CTPS1: variants seen among roughly 807,000 people sequenced by gnomAD.
The protein encoded by CTPS1 is CTP synthase 1.
Under a neutral mutation model 80.5 loss-of-function variants are expected in CTPS1, and 25 were observed. The observed-to-expected ratio is 0.31, with a 90% CI of 0.23 to 0.43. The LOEUF (loss-of-function observed/expected upper bound fraction) is 0.43, where lower values mean the gene tolerates loss of function less well. Among genes scored for constraint, CTPS1 ranks in the 20% least tolerant of loss-of-function variants. CTPS1 has a pLI of 1.00. For synonymous variants in CTPS1, 267 were observed against 252.5 expected (o/e 1.06, Z -0.54); for missense variants, 442 against 725.7 (o/e 0.61, Z 4.49).
chr1:40,997,336 T>C, intron 8 of CTPS1, 58 bp from the exon 9 acceptor site: 1 of 1,555,828 alleles, frequency 6.4e-7, no homozygotes, highest in East Asian at 2.3e-5. Context: ...GCTATTTTGG[T>C]CTCATGATAG....
intron 1 of CTPS1, chr1:40,982,127 TCTC>T (rs1642325611): frequency 8.1e-6 from 4 of 493,966 alleles, no homozygotes; most frequent in Non-Finnish European, 1.3e-5. Context: ...CCTGTCACGG[TCTC>T]CTCACCTCTT....
chr1:41,001,494 A>G (rs1426803993), intron 10 of CTPS1: 1 of 243,110 alleles, frequency 4.1e-6, no homozygotes, highest in Non-Finnish European at 8.0e-6. Context: ...AATATTACGG[A>G]GGTGTACACC....
chr1:41,002,057 T>A, intron 10 of CTPS1, 103 bp from the exon 11 acceptor site: 1 of 956,868 alleles, frequency 1.0e-6, no homozygotes, highest in Non-Finnish European at 1.7e-6. Context: ...TGTATGGGGT[T>A]AATTCATGGC....
At chr1:40,991,723 AT>A in intron 6 of CTPS1, 41 bp from the exon 7 acceptor site, 2 of 1,434,420 alleles carry the variant, frequency 1.4e-6, no homozygotes, top group Non-Finnish European at 2.0e-6. Context: ...TACTTCTGTC[AT>A]TTTTTCCTTC....
chr1:41,006,206 G>A, intron 13 of CTPS1, 112 bp downstream of exon 13: 1 of 897,512 alleles, frequency 1.1e-6, no homozygotes, highest in Non-Finnish European at 1.8e-6. Flanking sequence ...CCATCCCAAA[G>A]AACCCTGAGG....
At chr1:41,010,474 A>C (rs1558174892) in intron 18 of CTPS1, among the ~76,000 whole-genome samples, 1 of 152,208 alleles carries the variant, frequency 6.6e-6, no homozygotes, top group Non-Finnish European at 1.5e-5. Flanking sequence ...TGCACCTCCC[A>C]GTCCTGCCCT....
intron 7 of CTPS1, among the ~76,000 whole-genome samples, chr1:40,994,444 A>G (rs1253203343): frequency 6.6e-6 from 1 of 152,200 alleles, no homozygotes; most frequent in Non-Finnish European, 1.5e-5. Flanking sequence ...AGCTATTCAT[A>G]ATTTTTATTA....
chr1:41,003,338 C>G (rs1642955258), intron 12 of CTPS1, among the ~76,000 whole-genome samples, 162 bp downstream of exon 12: 1 of 152,188 alleles, frequency 6.6e-6, no homozygotes, highest in African/African-American at 2.4e-5. Context: ...TCTTGAGGAA[C>G]AGCACGGCTC....
In CTPS1 at chr1:40,991,770, A is replaced by G; in HGVS notation, c.645A>G (p.Val215=). The G allele has an allele frequency of 6.2e-7, 1 of 1,612,746 alleles. No individual in the cohort carries two copies. Among genetic ancestry groups the G allele is most frequent in the Non-Finnish European group, 8.5e-7 (1 of 1,178,754 alleles). ...RGLGLSPDLV[V]CRCSNPLDTS... is the part of the protein sequence containing the mutation. ...ATCTTGTTCTCTACTGCTAGGTTGT[A>G]TGCAGGTGCTCAAATCCACTTGACA... Residue 215 remains valine, a synonymous_variant, in exon 7 of 19, where the codon GTA becomes GTG. Coordinates refer to ENST00000650070, the MANE Select transcript of CTPS1 (RefSeq NM_001905.4).
At chr1:40,990,549 CAG>C (rs1344228884) in intron 5 of CTPS1, among the ~76,000 whole-genome samples, 5 of 151,744 alleles carry the variant, frequency 3.3e-5, no homozygotes, top group Middle Eastern at 6.8e-3. Flanking sequence ...GTTTGGGAGG[CAG>C]AGGTGGGAGG....
chr1:41,005,942 A>G, intron 12 of CTPS1, 109 bp from the exon 13 acceptor site: 1 of 870,062 alleles, frequency 1.1e-6, no homozygotes, highest in Non-Finnish European at 1.9e-6. Flanking sequence ...TTTTTGTTCT[A>G]ATCACTGATC....
At chr1:40,987,051 G>A (rs1489995969) in intron 3 of CTPS1, among the ~76,000 whole-genome samples, 1 of 152,204 alleles carries the variant, frequency 6.6e-6, no homozygotes, top group East Asian at 1.9e-4. Context: ...TCAGCTGTGA[G>A]CAATAGGGTT....
intron 9 of CTPS1, among the ~76,000 whole-genome samples, chr1:41,000,229 TTTG>T (rs1258745361): frequency 3.9e-5 from 5 of 127,542 alleles, no homozygotes; most frequent in Non-Finnish European, 3.7e-5. Flanking sequence ...TTTGTTTTGT[TTTG>T]TTTTGTTTTG....
rs1423132091 is a variant in CTPS1, at chr1:40,983,371, C to T, written c.81C>T (p.Leu27=). Residue 27 remains leucine, a synonymous_variant, in exon 2 of 19, where the codon CTC becomes CTT. Transcript: ENST00000650070. ...GIIASSVGTI[L]KSCGLHVTSI... is the part of the protein sequence containing the mutation. ...TTGCCAGCAGTGTGGGCACAATACT[C>T]AAGTCATGTGGTTTACATGTAACTT... 6.2e-7 allele frequency: 1 copy of T among 1,613,726 alleles called. No individual in the cohort carries two copies.
At position 41,007,615 on chromosome 1, in the gene CTPS1, T is replaced by C. The variant is rs1278903551; in HGVS notation, c.1393+70T>C. On this transcript the variant is annotated intron_variant, in intron 14 of 18. Transcript: ENST00000650070. The surrounding 1 kb of genome is among the most constrained non-coding windows in gnomAD (Gnocchi z 4.4). ...CAGGACGCGTGTCTTAGGGTGATGC[T>C]GTGGCTTCGAGGAGCAGGCTGGCTT... 1.4e-5 allele frequency: 19 copies of C among 1,347,094 alleles called. No homozygotes were observed. Among genetic ancestry groups the C allele is most frequent in the Non-Finnish European group, 1.6e-5 (15 of 947,908 alleles). The allele number at this position is 1,347,094 out of a possible 1,614,324, so 83.4% of individuals were successfully genotyped here. A position where few individuals can be genotyped will look rare whatever the true frequency, so the allele number is the denominator to read the frequency against.
intron 8 of CTPS1, among the ~76,000 whole-genome samples, chr1:40,996,768 A>G: frequency 6.6e-6 from 1 of 152,160 alleles, no homozygotes; most frequent in East Asian, 1.9e-4. Flanking sequence ...ATCCTTTTTC[A>G]TAAAACATTA....
intron 11 of CTPS1, 39 bp downstream of exon 11, chr1:41,002,293 G>T: frequency 6.4e-7 from 1 of 1,551,012 alleles, no homozygotes; most frequent in Non-Finnish European, 8.9e-7. Flanking sequence ...TTAAGAGTAG[G>T]AAAGAGTGGG....
intron 6 of CTPS1, 58 bp downstream of exon 6, chr1:40,991,306 C>T: frequency 7.7e-7 from 1 of 1,300,874 alleles, no homozygotes; most frequent in Non-Finnish European, 1.1e-6. Flanking sequence ...TAAGATCACT[C>T]TATCATGACA....
At chr1:40,983,068 C>A in intron 1 of CTPS1, 1 of 422,862 alleles carries the variant, frequency 2.4e-6, no homozygotes, top group Non-Finnish European at 4.2e-6. Flanking sequence ...TGTTTTTCTA[C>A]ACGTATTTGA....
Sources: allele counts gnomAD v4.1 joint callset (sites outside exome capture counted in the v4.1 genomes callset), GRCh38; gene constraint gnomAD v4.1.1; non-coding constraint Gnocchi (gnomAD v3.1); transcripts MANE v1.5; gene names NCBI Gene and HGNC (gene_info 2026-07-23, HGNC 2026-07-21).